Variants in OTOGL observed in about 807,000 individuals in gnomAD.
OTOGL encodes the protein otogelin like, also known as otogelin-like protein.
OTOGL carries 285 observed loss-of-function variants against 318.5 expected under a neutral mutation model. That is an observed-to-expected ratio of 0.89 (90% confidence interval 0.81 to 0.99). OTOGL has a LOEUF of 0.99. Among genes scored for constraint, OTOGL ranks in the 50% least tolerant of loss-of-function variants. The pLI is 0.00. For missense variants in OTOGL, 2,899 were observed against 2,845.6 expected, an observed-to-expected ratio of 1.02 and a Z score of -0.43; for synonymous variants, 987 against 936.5, an observed-to-expected ratio of 1.05 and a Z score of -0.99.
chr12:80,377,303 T>C, intron 58 of OTOGL, 101 bp downstream of exon 58: 1 of 681,604 alleles, frequency 1.5e-6, no homozygotes, highest in Non-Finnish European at 2.4e-6. Context: ...TGCCAACGCT[T>C]AACAATATTT....
Position 80,157,668 on chromosome 12 carries a change from T to C in OTOGL, c.-19-51745T>C, listed in dbSNP as rs369026355. Among the ~76,000 whole-genome samples the C allele has an allele frequency of 2.6e-4, 40 of 152,308 alleles. No homozygotes were observed. The South Asian group carries it at 8.3e-3, about 32-fold the overall frequency. ...TGGATATCCAGTTTTCCCAGCACCATTTATTGAAGAGACCATTTTTACCCC... is the reference window on the plus strand; with the variant it reads ...TGGATATCCAGTTTTCCCAGCACCACTTATTGAAGAGACCATTTTTACCCC... On this transcript the variant is annotated intron_variant, in intron 1 of 58. Coordinates refer to ENST00000547103, the MANE Select transcript of OTOGL (RefSeq NM_001378609.3).
At chr12:80,266,339 C>A in intron 20 of OTOGL, 112 bp from the exon 21 acceptor site, 2 of 1,118,408 alleles carry the variant, frequency 1.8e-6, no homozygotes, top group Non-Finnish European at 1.3e-6. Context: ...TCTCCCAATT[C>A]CTTGCCTTGT....
chr12:80,367,605 C>T lies in OTOGL; in HGVS notation c.6376C>T (p.Pro2126Ser). ...CVFQEVSVLN[P>S]GQSMIKYLEE... ...ATTTCAAGAAGTATCAGTATTGAATCCTGGACAATCCATGATAAAGTATTT... is the reference window on the plus strand; with the variant it reads ...ATTTCAAGAAGTATCAGTATTGAATTCTGGACAATCCATGATAAAGTATTT... The change falls in exon 54 of 59, where the codon CCT (proline) becomes TCT (serine). Residue 2126 changes from proline (P) to serine (S), a missense_variant. Transcript: ENST00000547103. The T allele has an allele frequency of 6.5e-7, 1 of 1,545,898 alleles. No individual in the cohort carries two copies. The highest frequency in any genetic ancestry group is 2.3e-5 in the East Asian group (1 of 42,840).
In OTOGL at chr12:80,367,660, G is replaced by T; in HGVS notation, c.6431G>T (p.Cys2144Phe). ...LEEDFCYAIE[C>F]LEEKDNHTGF... ...GAAGACTTTTGTTATGCTATAGAGT[G>T]TCTGGAAGAAAAAGATAACCATACG... Residue 2144 changes from cysteine to phenylalanine, a missense_variant, in exon 54 of 59, where the codon TGT becomes TTT. By Grantham distance (205) the Cys-to-Phe change is radical. Around this residue, in one of 3 missense-constraint regions of OTOGL, gnomAD observed 289 missense variants for 304.6 expected, o/e 0.95. Transcript: ENST00000547103. The T allele has an allele frequency of 6.7e-7, 1 of 1,499,922 alleles. No individual in the cohort carries two copies. The highest frequency in any genetic ancestry group is 1.3e-5 in the South Asian group (1 of 77,024). 92.9% of individuals were successfully genotyped at this position (1,499,922 alleles called of 1,614,324 possible). A position where few individuals can be genotyped will look rare whatever the true frequency, so the allele number is the denominator to read the frequency against.
chr12:80,289,988 C>T (rs1380903020), intron 26 of OTOGL, among the ~76,000 whole-genome samples: 1 of 152,154 alleles, frequency 6.6e-6, no homozygotes, highest in Non-Finnish European at 1.5e-5. Context: ...GCCCAAACAG[C>T]TGCCCAGTTT....
intron 1 of OTOGL, among the ~76,000 whole-genome samples, chr12:80,152,885 G>T (rs954093716): frequency 6.6e-6 from 1 of 152,070 alleles, no homozygotes; most frequent in East Asian, 1.9e-4. Context: ...GTAGAGACAG[G>T]GTTTCACCAT....
rs546792712 is a variant in OTOGL at position 80,233,076 on chromosome 12, G to C, written c.796G>C (p.Asp266His). ...TGGAAACTACAATGACATTCAATCT[G>C]ATGATTTCATAATTCTGCAAGGTAA... ...LCGNYNDIQS[D>H]DFIILQEDYT... The change falls in exon 9 of 59, where the codon GAT becomes CAT. Residue 266 changes from aspartate to histidine, a missense_variant. Transcript: ENST00000547103. 16 of 1,595,230 alleles carry C rather than the reference G, an allele frequency of 1.0e-5. No homozygotes were observed. Among genetic ancestry groups the C allele is most frequent in the Non-Finnish European group, 1.3e-5 (15 of 1,176,064 alleles).
intron 17 of OTOGL, 39 bp from the exon 18 acceptor site, chr12:80,257,786 G>C: frequency 6.8e-7 from 1 of 1,461,368 alleles, no homozygotes; most frequent in Non-Finnish European, 9.2e-7. Flanking sequence ...CACCGTCTAT[G>C]AATGTCAAAG....
chr12:80,137,729 G>A (rs1051283148), intron 1 of OTOGL, among the ~76,000 whole-genome samples: 3 of 152,152 alleles, frequency 2.0e-5, no homozygotes, highest in Admixed American at 6.6e-5. Flanking sequence ...ATGTTTCTAG[G>A]TTTATTAGTG....
intron 1 of OTOGL, among the ~76,000 whole-genome samples, chr12:80,162,827 C>T (rs7301202): frequency 0.48 from 72,484 of 151,640 alleles, 19,492 homozygotes; most frequent in African/African-American, 0.75. Context: ...TGGGTTTTTT[C>T]TTGTGGGGGG....
intron 43 of OTOGL, among the ~76,000 whole-genome samples, chr12:80,340,168 C>G (rs1888673980): frequency 1.3e-5 from 2 of 152,062 alleles, no homozygotes; most frequent in African/African-American, 4.8e-5. Flanking sequence ...TATGGATCAC[C>G]TATTGTGTGT....
At chr12:80,341,894 G>A (rs1888790654) in intron 43 of OTOGL, 54 bp from the exon 44 acceptor site, 2 of 1,155,616 alleles carry the variant, frequency 1.7e-6, no homozygotes, top group African/African-American at 3.0e-5. Flanking sequence ...ATTTAGTTGT[G>A]CTGTCTACAT....
At chr12:80,285,243 G>A (rs1426266793) in intron 26 of OTOGL, among the ~76,000 whole-genome samples, 1 of 152,074 alleles carries the variant, frequency 6.6e-6, no homozygotes, top group Non-Finnish European at 1.5e-5. Context: ...CTATATACCT[G>A]TTTTGATACC....
rs138316957 is a variant in OTOGL at position 80,119,406 on chromosome 12, C to T, written c.-20+19801C>T. On this transcript the variant is annotated intron_variant, in intron 1 of 58. Transcript: ENST00000547103. ...CTAAATTCAGCCTGGCTTCAGTTCA[C>T]CCTGCAGTCTGCTGCTAGTGTTATA... is the stretch of plus-strand genomic sequence containing the variant. Among the ~76,000 whole-genome samples the T allele has an allele frequency of 6.7e-3, 1,013 of 152,300 alleles. 15 individuals are homozygous for T. Among genetic ancestry groups the T allele is most frequent in the African/African-American group, 0.022 (897 of 41,558 alleles).
Position 80,099,918 on chromosome 12 carries a change from A to G in OTOGL, c.-20+313A>G, listed in dbSNP as rs992812153. On this transcript the variant is annotated intron_variant, in intron 1 of 58. Coordinates refer to ENST00000547103, the MANE Select transcript of OTOGL (RefSeq NM_001378609.3). ...TCACTTTGAAGAGAGGAAACTGGTG[A>G]TTTGGATGGTTCCACTCCTGGTCCC... 3.9e-5 allele frequency among the ~76,000 whole-genome samples: 6 copies of G among 152,318 alleles called. No homozygotes were observed. In the South Asian group the frequency reaches 6.2e-4, roughly 16 times the overall value.
At chr12:80,341,243 AG>A (rs1888751297) in intron 43 of OTOGL, among the ~76,000 whole-genome samples, 2 of 152,128 alleles carry the variant, frequency 1.3e-5, no homozygotes, top group African/African-American at 2.4e-5. Context: ...AGGTAAATAG[AG>A]GCTGCAGCAG....
chr12:80,145,003 G>T (rs1872243163), intron 1 of OTOGL, among the ~76,000 whole-genome samples: 1 of 151,196 alleles, frequency 6.6e-6, no homozygotes, highest in African/African-American at 2.5e-5. Context: ...CCATGTTGTA[G>T]GTTGCCTGTT....
At chr12:80,263,379 A>G (rs1208248309) in intron 19 of OTOGL, among the ~76,000 whole-genome samples, 1 of 152,130 alleles carries the variant, frequency 6.6e-6, no homozygotes, top group Non-Finnish European at 1.5e-5. Flanking sequence ...AGTAGAGTTC[A>G]ATTGATAAAT....
At chr12:80,285,832 AT>A (rs1274149959) in intron 26 of OTOGL, among the ~76,000 whole-genome samples, 2 of 152,072 alleles carry the variant, frequency 1.3e-5, no homozygotes, top group East Asian at 3.9e-4. Flanking sequence ...AGACAATTTG[AT>A]GTTCTCTCTT....
Sources: allele counts gnomAD v4.1 joint callset (sites outside exome capture counted in the v4.1 genomes callset), GRCh38; gene constraint gnomAD v4.1.1; regional missense constraint gnomAD v4.1.1; transcripts MANE v1.5; gene names NCBI Gene and HGNC (gene_info 2026-07-23, HGNC 2026-07-21).